Variants in DCC observed in about 807,000 individuals in gnomAD.
DCC encodes netrin receptor DCC.
DCC carries 58 observed loss-of-function variants against 172.5 expected under a neutral mutation model. That is an observed-to-expected ratio of 0.34 (90% CI 0.27 to 0.42). DCC has a LOEUF of 0.42. Among genes scored for constraint, DCC ranks in the 10% least tolerant of loss-of-function variants. DCC has a pLI of 1.00. For missense variants in DCC, 1,740 were observed against 1,791.0 expected (o/e 0.97, Z 0.51); for synonymous variants, 709 against 644.5 (o/e 1.10, Z -1.52).
chr18:52,926,933 A>G (rs1307664508), intron 5 of DCC, among the ~76,000 whole-genome samples: 4 of 114,784 alleles, frequency 3.5e-5, no homozygotes, highest in African/African-American at 8.9e-5. Flanking sequence ...ATATGTATAT[A>G]TAAACGTATA....
At chr18:52,841,445 A>T (rs16955681) in intron 2 of DCC, among the ~76,000 whole-genome samples, 4,074 of 152,252 alleles carry the variant, frequency 0.027, 163 homozygotes, top group African/African-American at 0.09. Context: ...TATTTCCACT[A>T]GCAGATCCTA....
intron 3 of DCC, among the ~76,000 whole-genome samples, chr18:52,906,746 C>T (rs2145448666): frequency 6.6e-6 from 1 of 151,690 alleles, no homozygotes; most frequent in Non-Finnish European, 1.5e-5. Flanking sequence ...TAGTATTGAA[C>T]TATAGATATA....
chr18:53,501,414 A>C (rs2046095690), intron 27 of DCC, among the ~76,000 whole-genome samples: 1 of 152,196 alleles, frequency 6.6e-6, no homozygotes, highest in Admixed American at 6.5e-5. Context: ...TTTATGTCTA[A>C]CTTGTTTAAT....
At chr18:52,680,812 G>C (rs1440010433) in intron 1 of DCC, among the ~76,000 whole-genome samples, 1 of 151,982 alleles carries the variant, frequency 6.6e-6, no homozygotes, top group Non-Finnish European at 1.5e-5. Flanking sequence ...TTCTTACACT[G>C]CCCTTCCCCA....
At chr18:52,937,951 G>A (rs1184767210) in intron 5 of DCC, among the ~76,000 whole-genome samples, 1 of 152,024 alleles carries the variant, frequency 6.6e-6, no homozygotes, top group African/African-American at 2.4e-5. Flanking sequence ...CACCTAACCT[G>A]CAGAGTTGTT....
At chr18:52,705,292 C>A (rs929201091) in intron 1 of DCC, among the ~76,000 whole-genome samples, 3 of 152,102 alleles carry the variant, frequency 2.0e-5, no homozygotes, top group African/African-American at 7.2e-5. Flanking sequence ...AAGGTGGCAG[C>A]AACCCCAAAA....
At chr18:52,905,183 T>A (rs753397226) in intron 2 of DCC, among the ~76,000 whole-genome samples, 6 of 150,480 alleles carry the variant, frequency 4.0e-5, no homozygotes, top group Non-Finnish European at 7.4e-5. Context: ...TTATTTGTTT[T>A]ATTTTTTCAT....
intron 1 of DCC, among the ~76,000 whole-genome samples, chr18:52,348,950 C>T (rs1414693172): frequency 6.6e-6 from 1 of 151,974 alleles, no homozygotes; most frequent in South Asian, 2.1e-4. Context: ...TGCTGGGATG[C>T]CAGGCTTAAT....
intron 12 of DCC, among the ~76,000 whole-genome samples, chr18:53,264,446 A>C (rs1254085981): frequency 7.5e-6 from 1 of 134,072 alleles, no homozygotes; most frequent in Non-Finnish European, 1.6e-5. Context: ...ACTGCACTCC[A>C]CCCTGGGCGA....
chr18:52,963,842 T>TTTA (rs1035821286), intron 5 of DCC, among the ~76,000 whole-genome samples: 81 of 151,970 alleles, frequency 5.3e-4, no homozygotes, highest in African/African-American at 1.8e-3. Flanking sequence ...TTTTTTTTTT[T>TTTA]ATCCAAACTC....
intron 20 of DCC, among the ~76,000 whole-genome samples, chr18:53,414,628 C>T (rs1432346846): frequency 6.6e-6 from 1 of 151,956 alleles, no homozygotes; most frequent in Non-Finnish European, 1.5e-5. Context: ...GCGGGTGGAT[C>T]ACGAGGTCAG....
At position 52,740,316 on chromosome 18, in the gene DCC, T is replaced by C. The variant is rs2036800022; in HGVS notation, c.92-11738T>C. On this transcript the variant is annotated intron_variant, in intron 1 of 28. Coordinates refer to ENST00000442544, the MANE Select transcript of DCC (RefSeq NM_005215.4). ...CATTGGTGCTTAGTTCCAAAGCTGATGTTTCTGTTATCACTGTGGGTTTTC... is the reference window on the plus strand; with the variant it reads ...CATTGGTGCTTAGTTCCAAAGCTGACGTTTCTGTTATCACTGTGGGTTTTC... 2.0e-5 allele frequency among the ~76,000 whole-genome samples: 3 copies of C among 152,334 alleles called. No individual in the cohort carries two copies. The South Asian group carries it at 6.2e-4, about 32-fold the overall frequency.
chr18:52,406,521 G>C (rs1986657678), intron 1 of DCC, among the ~76,000 whole-genome samples: 1 of 152,066 alleles, frequency 6.6e-6, no homozygotes, highest in Non-Finnish European at 1.5e-5. Context: ...GCCTATGACA[G>C]CATTATTGCT....
chr18:52,498,099 T>C (rs2030872730), intron 1 of DCC, among the ~76,000 whole-genome samples: 1 of 152,146 alleles, frequency 6.6e-6, no homozygotes, highest in Admixed American at 6.6e-5. Flanking sequence ...TTTTGTATAA[T>C]TTTTACCTGT....
intron 1 of DCC, among the ~76,000 whole-genome samples, chr18:52,606,875 A>G (rs2034142796): frequency 6.6e-6 from 1 of 152,154 alleles, no homozygotes; most frequent in Non-Finnish European, 1.5e-5. Flanking sequence ...AATCTATCAG[A>G]GCTGTGATGA....
At chr18:53,066,362 T>TATAC (rs2042568299) in intron 7 of DCC, among the ~76,000 whole-genome samples, 196 bp downstream of exon 7, 2 of 48,518 alleles carry the variant, frequency 4.1e-5, no homozygotes, top group African/African-American at 2.0e-4. Context: ...TGTATATATA[T>TATAC]ATATATATAT....
At chr18:52,387,055 G>T (rs1985828078) in intron 1 of DCC, among the ~76,000 whole-genome samples, 2 of 152,102 alleles carry the variant, frequency 1.3e-5, no homozygotes, top group African/African-American at 4.8e-5. Flanking sequence ...TTCATCAGTA[G>T]CAAATTACAC....
At chr18:53,119,639 TGGG>T (rs760906379) in intron 7 of DCC, among the ~76,000 whole-genome samples, 5 of 151,866 alleles carry the variant, frequency 3.3e-5, no homozygotes, top group Non-Finnish European at 7.4e-5. Flanking sequence ...CTATTTTCAT[TGGG>T]GGTTCTAAGT....
At chr18:53,519,071 A>T (rs1302319728) in intron 27 of DCC, among the ~76,000 whole-genome samples, 2 of 152,166 alleles carry the variant, frequency 1.3e-5, no homozygotes, top group African/African-American at 4.8e-5. Flanking sequence ...GGATCAACTA[A>T]TTCTTCCTAA....
Sources: gnomAD v4.1 joint callset for allele counts (sites outside exome capture counted in the v4.1 genomes callset) on GRCh38, gnomAD v4.1.1 for gene constraint, MANE v1.5 for transcripts, NCBI Gene and HGNC (gene_info 2026-07-23, HGNC 2026-07-21) for gene names.